Variants in SMKR1 observed in about 807,000 individuals in gnomAD.
SMKR1 encodes small lysine-rich protein 1.
SMKR1 carries 4 observed loss-of-function variants against 4.0 expected under a neutral mutation model. That is an observed-to-expected ratio of 1.00 (90% CI 0.49 to 2.30). The LOEUF is 2.30. Ranked by LOEUF, SMKR1 falls within the 30% of genes most tolerant of loss-of-function variation. The probability of loss-of-function intolerance (pLI) is 0.02; values close to 1 mark genes in which losing one functional copy is unlikely to be tolerated. For missense variants in SMKR1, 56 were observed against 81.8 expected, an observed-to-expected ratio of 0.68 and a Z score of 1.22; for synonymous variants, 38 against 32.5, an observed-to-expected ratio of 1.17 and a Z score of -0.58.
Position 129,502,683 on chromosome 7 carries a change from C to A in SMKR1, c.-142C>A. On this transcript the variant is annotated 5_prime_UTR_variant, in exon 1 of 2. Coordinates refer to ENST00000462322, the MANE Select transcript of SMKR1 (RefSeq NM_001195243.2). ...GGCGGGGAGGCGTAGTGAGGCTGGG[C>A]CCGTGGCGGTTCCCTGAGGAGGGCC... The A allele has an allele frequency of 7.8e-7, 1 of 1,287,812 alleles. No homozygotes were observed. Among genetic ancestry groups the A allele is most frequent in the Non-Finnish European group, 1.1e-6 (1 of 934,878 alleles). The allele number at this position is 1,287,812 out of a possible 1,614,324, so 79.8% of individuals were successfully genotyped here. A position where few individuals can be genotyped will look rare whatever the true frequency, so the allele number is the denominator to read the frequency against.
At chr7:129,505,522 A>G (rs1799455418) in intron 1 of SMKR1, among the ~76,000 whole-genome samples, 1 of 150,342 alleles carries the variant, frequency 6.7e-6, no homozygotes, top group Non-Finnish European at 1.5e-5. Context: ...CTTGTCGCCC[A>G]GGCTGGAGTG....
In SMKR1 at chr7:129,512,287, A is replaced by G. The variant is rs747013299; in HGVS notation, c.44A>G (p.His15Arg). 6.5e-7 allele frequency: 1 copy of G among 1,535,064 alleles called. No individual in the cohort carries two copies. Among genetic ancestry groups the G allele is most frequent in the South Asian group, 1.2e-5 (1 of 83,828 alleles). ...AAAGGAAAAGGCCAGGGCAAGTCTC[A>G]TGGGAAGAAACAGAAGAAACCAGAA... ...GKKGKGQGKS[H>R]GKKQKKPEVD... The change falls in exon 2 of 2, where the codon CAT becomes CGT. Residue 15 changes from histidine (H) to arginine (R), a missense_variant. Coordinates refer to ENST00000462322, the MANE Select transcript of SMKR1 (RefSeq NM_001195243.2).
chr7:129,509,565 G>A lies in SMKR1; in HGVS notation c.4-2682G>A, dbSNP rs146096294. Reference sequence around the variant, plus strand: ...TTTCAGCAGTTTTTTTTTTTTAGACGGAGTCTCACTCTGTCACCAGGCTGG... The same window carrying A: ...TTTCAGCAGTTTTTTTTTTTTAGACAGAGTCTCACTCTGTCACCAGGCTGG... On this transcript the variant is annotated intron_variant, in intron 1 of 1. Coordinates refer to ENST00000462322, the MANE Select transcript of SMKR1 (RefSeq NM_001195243.2). Among the ~76,000 whole-genome samples the A allele has an allele frequency of 2.6e-5, 4 of 151,232 alleles. No homozygotes were observed. The South Asian group carries it at 6.3e-4, about 24-fold the overall frequency.
intron 1 of SMKR1, among the ~76,000 whole-genome samples, chr7:129,504,373 C>T (rs12155142): frequency 0.31 from 47,762 of 152,050 alleles, 8,349 homozygotes; most frequent in East Asian, 0.61. Context: ...ACCTTCTCTC[C>T]GGCTTCAGAG....
rs1030578751 is a variant in SMKR1, at chr7:129,502,834, C to A, written c.3+7C>A. On this transcript the variant is annotated splice_region_variant and intron_variant, in intron 1 of 1. Transcript: ENST00000462322. ...TCGGCTGAGAATCGCCATGGTAATCCCCGTCTCCCTAAAGTACCCGGGGCC... is the reference window on the plus strand; with the variant it reads ...TCGGCTGAGAATCGCCATGGTAATCACCGTCTCCCTAAAGTACCCGGGGCC... 11 of 1,534,874 alleles carry A rather than the reference C, an allele frequency of 7.2e-6. No individual in the cohort carries two copies. Among genetic ancestry groups the A allele is most frequent in the Non-Finnish European group, 2.6e-6 (3 of 1,146,590 alleles).
chr7:129,508,701 C>T (rs956892087), intron 1 of SMKR1, among the ~76,000 whole-genome samples: 21 of 152,314 alleles, frequency 1.4e-4, no homozygotes, highest in Non-Finnish European at 5.9e-5. Context: ...GCCTCAGTCT[C>T]CCAGAGTGTG....
rs1799428411 is a variant in SMKR1, at chr7:129,503,143, C to T, written c.3+316C>T. On this transcript the variant is annotated intron_variant, in intron 1 of 1. Coordinates refer to ENST00000462322, the MANE Select transcript of SMKR1 (RefSeq NM_001195243.2). The stretch of plus-strand genomic sequence containing the variant: ...GGCACGTCAGGGCGCCAGGCCATGC[C>T]CACAGTGACGGGTCCGAGCTGTTAG... Among the ~76,000 whole-genome samples the T allele has an allele frequency of 2.0e-5, 3 of 151,758 alleles. No individual in the cohort carries two copies. In the South Asian group the frequency reaches 6.2e-4, roughly 31 times the overall value.
At chr7:129,505,243 T>C (rs1209633818) in intron 1 of SMKR1, among the ~76,000 whole-genome samples, 2 of 152,214 alleles carry the variant, frequency 1.3e-5, no homozygotes, top group African/African-American at 4.8e-5. Flanking sequence ...CAACAATTAC[T>C]ATTAACTAGT....
chr7:129,505,191 TAGAC>T (rs965653896), intron 1 of SMKR1, among the ~76,000 whole-genome samples: 10 of 152,226 alleles, frequency 6.6e-5, no homozygotes, highest in African/African-American at 2.2e-4. Context: ...GGTAAATTTA[TAGAC>T]AGAATCTCTG....
At chr7:129,509,901 C>T (rs1198461362) in intron 1 of SMKR1, among the ~76,000 whole-genome samples, 2 of 152,164 alleles carry the variant, frequency 1.3e-5, no homozygotes, top group African/African-American at 4.8e-5. Context: ...CATTTTTTGA[C>T]CGCAATGCTG....
Position 129,512,617 on chromosome 7 carries a change from C to A in SMKR1, c.*176C>A. On this transcript the variant is annotated 3_prime_UTR_variant, in exon 2 of 2. Transcript: ENST00000462322. ...AATGCACCTTACTTCCTCTGTTATG[C>A]CAGATATGGTTAGCCACTTTGGTTT... 1 of 680,818 alleles carries A rather than the reference C, an allele frequency of 1.5e-6. No individual in the cohort carries two copies. The highest frequency in any genetic ancestry group is 2.3e-6 in the Non-Finnish European group (1 of 436,052). The allele number at this position is 680,818 out of a possible 1,614,324, so 42.2% of individuals were successfully genotyped here. A position where few individuals can be genotyped will look rare whatever the true frequency, so the allele number is the denominator to read the frequency against.
chr7:129,511,089 C>T (rs911678070), intron 1 of SMKR1, among the ~76,000 whole-genome samples: 2 of 152,298 alleles, frequency 1.3e-5, no homozygotes, highest in South Asian at 4.1e-4. Flanking sequence ...GGATTACAGG[C>T]GTGAGCCACC....
intron 1 of SMKR1, among the ~76,000 whole-genome samples, chr7:129,504,553 TTTG>T (rs1429138192): frequency 0.025 from 972 of 38,124 alleles, 9 homozygotes; most frequent in Non-Finnish European, 0.047. Flanking sequence ...TTTCTTTGTT[TTTG>T]TTTTTTTTTT....
At chr7:129,511,807 G>A (rs1472122274) in intron 1 of SMKR1, among the ~76,000 whole-genome samples, 2 of 152,204 alleles carry the variant, frequency 1.3e-5, no homozygotes, top group African/African-American at 4.8e-5. Flanking sequence ...TGTTTGTTGT[G>A]GCTGCTATTT....
At chr7:129,504,711 G>A (rs1799447259) in intron 1 of SMKR1, among the ~76,000 whole-genome samples, 1 of 152,084 alleles carries the variant, frequency 6.6e-6, no homozygotes, top group African/African-American at 2.4e-5. Flanking sequence ...GTGCCACTGA[G>A]CCCAGCTAAT....
chr7:129,508,494 T>G (rs1799491895), intron 1 of SMKR1, among the ~76,000 whole-genome samples: 1 of 152,186 alleles, frequency 6.6e-6, no homozygotes, highest in Non-Finnish European at 1.5e-5. Flanking sequence ...CAGGCTGGAG[T>G]GCAGTGGCGC....
chr7:129,510,817 G>T (rs936239842), intron 1 of SMKR1, among the ~76,000 whole-genome samples: 2 of 151,550 alleles, frequency 1.3e-5, no homozygotes, highest in Admixed American at 1.3e-4. Context: ...TTTTTGCGGG[G>T]AGGCGGGGGG....
chr7:129,508,857 T>C (rs918268944), intron 1 of SMKR1, among the ~76,000 whole-genome samples: 1 of 152,246 alleles, frequency 6.6e-6, no homozygotes, highest in Admixed American at 6.5e-5. Flanking sequence ...TGTTTCCATA[T>C]GAATTTTAGA....
At chr7:129,503,451 C>T (rs923594147) in intron 1 of SMKR1, among the ~76,000 whole-genome samples, 2 of 152,254 alleles carry the variant, frequency 1.3e-5, no homozygotes, top group African/African-American at 4.8e-5. Flanking sequence ...GGGCCTCAAC[C>T]TCGAGCTTTC....
Sources: allele counts gnomAD v4.1 joint callset (sites outside exome capture counted in the v4.1 genomes callset), GRCh38; gene constraint gnomAD v4.1.1; transcripts MANE v1.5; gene names NCBI Gene and HGNC (gene_info 2026-07-23, HGNC 2026-07-21).